ADA: variants seen among roughly 807,000 people sequenced by gnomAD.
The protein encoded by ADA is adenosine aminohydrolase.
ADA carries 45 observed loss-of-function variants against 49.0 expected under a neutral mutation model. The observed-to-expected ratio is 0.92, with a 90% confidence interval of 0.72 to 1.18. The LOEUF is 1.18. Ranked by LOEUF, ADA falls within the 50% of genes most tolerant of loss-of-function variation. The pLI, the probability that ADA is intolerant of heterozygous loss-of-function variation, is 0.00. For synonymous variants in ADA, 173 were observed against 184.2 expected (o/e 0.94, Z 0.49); for missense variants, 445 against 472.5 (o/e 0.94, Z 0.54).
At chr20:44,628,105 T>TGAAGAAA (rs1277667484) in intron 3 of ADA, among the ~76,000 whole-genome samples, 6 of 152,328 alleles carry the variant, frequency 3.9e-5, no homozygotes, top group Non-Finnish European at 8.8e-5. Flanking sequence ...ATGAAGTGGT[T>TGAAGAAA]ACTAGAATGT....
intron 2 of ADA, among the ~76,000 whole-genome samples, chr20:44,632,957 G>C (rs879687691): frequency 6.6e-6 from 1 of 152,250 alleles, no homozygotes; most frequent in Non-Finnish European, 1.5e-5. Context: ...GCCTCCCAAA[G>C]TGCTGGGATT....
intron 5 of ADA, among the ~76,000 whole-genome samples, chr20:44,624,736 A>G (rs1041528435): frequency 2.0e-5 from 3 of 152,196 alleles, no homozygotes; most frequent in African/African-American, 7.2e-5. Context: ...CTAAAATAGA[A>G]CTCACACTAG....
chr20:44,636,812 T>C lies in ADA; in HGVS notation c.34-524A>G, dbSNP rs539946574. On this transcript the variant is annotated intron_variant, in intron 1 of 11. Transcript: ENST00000372874. ...AAATTCAGGATCCATTTTCGTTTTC[T>C]TTTTTTTGAGACGGATGGAGTCTCG... Among the ~76,000 whole-genome samples the C allele has an allele frequency of 2.0e-5, 3 of 151,924 alleles. No individual in the cohort carries two copies. In the South Asian group the frequency reaches 6.2e-4, roughly 32 times the overall value.
Position 44,626,570 on chromosome 20 carries a change from G to C in ADA, c.248C>G (p.Ala83Gly), listed in dbSNP as rs121908726. Residue 83 changes from alanine to glycine, a missense_variant, in exon 4 of 12, where the codon GCC (alanine) becomes GGC (glycine). Ala to Gly is a moderately conservative substitution (Grantham distance 60). Transcript: ENST00000372874. ...GGCCTTCATCTCTACAAACTCATAG[G>C]CGATCCTTTTGATAGCCTCCCGGCA... is the stretch of plus-strand genomic sequence containing the variant. ...AGCREAIKRI[A>G]YEFVEMKAKE... 47 of 1,614,034 alleles carry C rather than the reference G, an allele frequency of 2.9e-5. No homozygotes were observed. Among genetic ancestry groups the C allele is most frequent in the Non-Finnish European group, 3.8e-5 (45 of 1,180,046 alleles).
At chr20:44,624,013 T>C (rs777786890) in intron 6 of ADA, 189 bp downstream of exon 6, 6 of 771,506 alleles carry the variant, frequency 7.8e-6, no homozygotes, top group South Asian at 7.5e-5. Context: ...CCCAAAGTGC[T>C]GGGATCACAG....
intron 11 of ADA, among the ~76,000 whole-genome samples, 163 bp downstream of exon 11, chr20:44,620,136 G>A (rs1002366456): frequency 3.9e-5 from 6 of 152,288 alleles, no homozygotes; most frequent in South Asian, 2.1e-4. Context: ...AAAACAAACC[G>A]ATCTAATGAG....
rs3831639 is a variant in ADA, at chr20:44,646,457, A to AGGAGGAGGGAGGAG, written c.33+5104_33+5117dup. On this transcript the variant is annotated intron_variant, in intron 1 of 11. Transcript: ENST00000372874. ...TGGGTTTTGTGTCAGGAAGACAAAA[A>AGGAGGAGGGAGGAG]GGAGGAGGGAGGAGGGAGATTCTGC... 1.3e-3 allele frequency among the ~76,000 whole-genome samples: 193 copies of AGGAGGAGGGAGGAG among 150,698 alleles called. 2 individuals are homozygous for AGGAGGAGGGAGGAG. Among genetic ancestry groups the AGGAGGAGGGAGGAG allele is most frequent in the Non-Finnish European group, 1.3e-3 (91 of 67,564 alleles).
intron 4 of ADA, chr20:44,626,248 C>G (rs1242995116): frequency 1.4e-6 from 1 of 706,230 alleles, no homozygotes; most frequent in South Asian, 1.8e-5. Flanking sequence ...CACTTGTGCC[C>G]AAGGTAAGAA....
At chr20:44,629,341 C>G (rs992926892) in intron 2 of ADA, among the ~76,000 whole-genome samples, 172 bp from the exon 3 acceptor site, 6 of 152,192 alleles carry the variant, frequency 3.9e-5, no homozygotes, top group Non-Finnish European at 8.8e-5. Context: ...AACTGAGAAC[C>G]AGGACCGGAA....
chr20:44,635,999 G>A, intron 2 of ADA: 1 of 573,716 alleles, frequency 1.7e-6, no homozygotes, highest in Admixed American at 3.0e-5. Flanking sequence ...CCTGACACCA[G>A]GAGGACAAGA....
intron 6 of ADA, among the ~76,000 whole-genome samples, chr20:44,623,680 C>T (rs999731525): frequency 6.6e-6 from 1 of 151,198 alleles, no homozygotes; most frequent in Non-Finnish European, 1.5e-5. Flanking sequence ...CTTCCTTCCT[C>T]CCTCCCTCCC....
At position 44,622,660 on chromosome 20, in the gene ADA, A is replaced by C; in HGVS notation, c.781-8T>G. ...GCTGGACCAGGGGCAGATCTGGAAG[A>C]GCAGGTGTGTGGCTGGCAGGGATGG... On this transcript the variant is annotated splice_region_variant and splice_polypyrimidine_tract_variant and intron_variant, in intron 8 of 11. Transcript: ENST00000372874. 1 of 1,614,198 alleles carries C rather than the reference A, an allele frequency of 6.2e-7. No homozygotes were observed. The highest frequency in any genetic ancestry group is 1.6e-4 in the Middle Eastern group (1 of 6,062).
chr20:44,619,899 G>A, intron 11 of ADA, 52 bp from the exon 12 acceptor site: 2 of 1,612,848 alleles, frequency 1.2e-6, no homozygotes, highest in African/African-American at 1.3e-5. Context: ...TAGTACCCAG[G>A]ATGTTGTAAA....
At chr20:44,639,818 T>G (rs1269410316) in intron 1 of ADA, among the ~76,000 whole-genome samples, 1 of 151,356 alleles carries the variant, frequency 6.6e-6, no homozygotes, top group Non-Finnish European at 1.5e-5. Context: ...TAGGTAGGAG[T>G]GTGGGTAAGC....
chr20:44,620,155 C>T (rs908722599), intron 11 of ADA, 144 bp downstream of exon 11: 2 of 831,636 alleles, frequency 2.4e-6, no homozygotes, highest in African/African-American at 3.4e-5. Context: ...AGACGCTGCT[C>T]CCAGCCAGGG....
chr20:44,650,575 G>A (rs1162051839), intron 1 of ADA, among the ~76,000 whole-genome samples: 2 of 151,910 alleles, frequency 1.3e-5, no homozygotes, highest in East Asian at 3.9e-4. Context: ...CTACGGGAGT[G>A]CACCACCACA....
intron 2 of ADA, among the ~76,000 whole-genome samples, chr20:44,633,045 C>A (rs1364905752): frequency 6.6e-6 from 1 of 152,218 alleles, no homozygotes; most frequent in African/African-American, 2.4e-5. Context: ...TGTGCTGGGG[C>A]ACTGTCTGGT....
chr20:44,621,884 A>C (rs2065335639), intron 9 of ADA, among the ~76,000 whole-genome samples: 1 of 152,128 alleles, frequency 6.6e-6, no homozygotes, highest in South Asian at 2.1e-4. Flanking sequence ...ACATGCCTCC[A>C]AGAACCTCCA....
At chr20:44,627,578 T>G (rs1037204247) in intron 3 of ADA, among the ~76,000 whole-genome samples, 1 of 152,214 alleles carries the variant, frequency 6.6e-6, no homozygotes, top group Non-Finnish European at 1.5e-5. Flanking sequence ...GTCATATGGC[T>G]TATCAGCCAG....
Sources: allele counts gnomAD v4.1 joint callset (sites outside exome capture counted in the v4.1 genomes callset), GRCh38; gene constraint gnomAD v4.1.1; transcripts MANE v1.5; gene names NCBI Gene and HGNC (gene_info 2026-07-23, HGNC 2026-07-21).